The following CTTNBP2 variants were observed in gnomAD, a reference collection of about 807,000 sequenced individuals.
CTTNBP2 encodes the protein cortactin binding protein 2.
A neutral mutation model predicts 156.9 loss-of-function variants in CTTNBP2; 108 were observed. That is an observed-to-expected ratio of 0.69 (90% CI 0.59 to 0.81). The LOEUF is 0.81. Ranked by LOEUF, CTTNBP2 falls within the 30% of genes least tolerant of loss-of-function variation. CTTNBP2 has a pLI of 0.00. For synonymous variants in CTTNBP2, 767 were observed against 751.8 expected (o/e 1.02, Z -0.33); for missense variants, 1,924 against 2,035.4 (o/e 0.95, Z 1.05).
intron 3 of CTTNBP2, among the ~76,000 whole-genome samples, chr7:117,797,113 T>G (rs1166465450): frequency 6.6e-6 from 1 of 152,136 alleles, no homozygotes; most frequent in Non-Finnish European, 1.5e-5. Flanking sequence ...GAAACTCAAG[T>G]ACAATGCACT....
At chr7:117,848,771 T>C (rs1217382879) in intron 2 of CTTNBP2, among the ~76,000 whole-genome samples, 1 of 152,240 alleles carries the variant, frequency 6.6e-6, no homozygotes, top group Non-Finnish European at 1.5e-5. Context: ...ATTAAAAGGT[T>C]TGTAAACTAC....
intron 2 of CTTNBP2, among the ~76,000 whole-genome samples, chr7:117,858,620 T>C (rs1381246015): frequency 6.6e-6 from 1 of 152,216 alleles, no homozygotes; most frequent in African/African-American, 2.4e-5. Context: ...TTTTTGGTTT[T>C]CACAGTGATT....
intron 2 of CTTNBP2, among the ~76,000 whole-genome samples, chr7:117,817,170 T>C (rs1800630271): frequency 6.7e-6 from 1 of 150,174 alleles, no homozygotes; most frequent in Non-Finnish European, 1.5e-5. Flanking sequence ...ACCCCTCTAC[T>C]AAAAACACAA....
intron 12 of CTTNBP2, among the ~76,000 whole-genome samples, chr7:117,747,817 C>A (rs958519509): frequency 1.3e-5 from 2 of 152,056 alleles, no homozygotes; most frequent in Non-Finnish European, 2.9e-5. Context: ...TCTAAGGAGA[C>A]TAAGGAAGGT....
At chr7:117,837,693 C>T (rs367565776) in intron 2 of CTTNBP2, among the ~76,000 whole-genome samples, 7 of 152,198 alleles carry the variant, frequency 4.6e-5, no homozygotes, top group Non-Finnish European at 1.0e-4. Context: ...TTAATAATTT[C>T]GTGCATGAAA....
chr7:117,735,595 T>C (rs188197625), intron 14 of CTTNBP2, among the ~76,000 whole-genome samples, 174 bp from the exon 15 acceptor site: 2 of 152,326 alleles, frequency 1.3e-5, no homozygotes, highest in East Asian at 3.9e-4. Flanking sequence ...TATTATTTGA[T>C]AAGTTTGAAC....
At position 117,861,215 on chromosome 7, in the gene CTTNBP2, G is replaced by A. The variant is rs78070459; in HGVS notation, c.183C>T (p.Ala61=). The A allele has an allele frequency of 5.5e-4, 888 of 1,609,750 alleles. 6 individuals carry two copies. The African/African-American group carries it at 0.01, about 18-fold the overall frequency. Residue 61 remains alanine, a synonymous_variant, in exon 2 of 23, where the codon GCC becomes GCT. Transcript: ENST00000160373. ...ELEARDLVIE[A]LRARRKEVFI... is the part of the protein sequence containing the mutation. The stretch of plus-strand genomic sequence containing the variant: ...ACTCCTGTGTCGTCCTTACCCGCAG[G>A]GCCTCGATGACAAGGTCTCTGGCCT...
chr7:117,788,898 T>A (rs1798844852), intron 4 of CTTNBP2, among the ~76,000 whole-genome samples: 1 of 152,156 alleles, frequency 6.6e-6, no homozygotes, highest in Non-Finnish European at 1.5e-5. Flanking sequence ...CTGAGAGGAA[T>A]AAATAAATAA....
rs114574209 is a variant in CTTNBP2, at chr7:117,716,482, G to A, written c.4746+1536C>T. ...AAATTCTTGGGTCCTAGAGACTGGCGTCCAGTCAAGCACAGCTCAGAGCAA... is the reference window on the plus strand; with the variant it reads ...AAATTCTTGGGTCCTAGAGACTGGCATCCAGTCAAGCACAGCTCAGAGCAA... On this transcript the variant is annotated intron_variant, in intron 22 of 22. Transcript: ENST00000160373. 3.4e-3 allele frequency among the ~76,000 whole-genome samples: 513 copies of A among 152,192 alleles called. 6 individuals are homozygous for A. The highest frequency in any genetic ancestry group is 0.012 in the African/African-American group (480 of 41,526).
chr7:117,729,459 AT>A (rs1167519004), intron 16 of CTTNBP2, among the ~76,000 whole-genome samples: 1 of 152,178 alleles, frequency 6.6e-6, no homozygotes. Flanking sequence ...TTAATGGATA[AT>A]TTTGCATAGA....
chr7:117,728,993 T>A (rs1047349347), intron 16 of CTTNBP2, among the ~76,000 whole-genome samples: 9 of 152,220 alleles, frequency 5.9e-5, no homozygotes, highest in African/African-American at 1.9e-4. Flanking sequence ...TGTGGGCAGC[T>A]GACAGAGGGA....
At chr7:117,735,487 TAA>T in intron 14 of CTTNBP2, 66 bp from the exon 15 acceptor site, 1 of 1,373,802 alleles carries the variant, frequency 7.3e-7, no homozygotes. Context: ...TTGGCAAAAC[TAA>T]AAAAGTCTGA....
chr7:117,857,771 A>G (rs1159503502), intron 2 of CTTNBP2, among the ~76,000 whole-genome samples: 1 of 152,094 alleles, frequency 6.6e-6, no homozygotes, highest in Non-Finnish European at 1.5e-5. Context: ...TTGATTCTTG[A>G]TTTAGGAGTA....
chr7:117,712,559 C>G (rs965932010), intron 22 of CTTNBP2, among the ~76,000 whole-genome samples: 1 of 152,178 alleles, frequency 6.6e-6, no homozygotes. Flanking sequence ...CTCTGAATGC[C>G]TCTGAAGGAG....
intron 17 of CTTNBP2, among the ~76,000 whole-genome samples, chr7:117,725,994 T>C (rs1417865231): frequency 6.6e-6 from 1 of 152,162 alleles, no homozygotes; most frequent in Admixed American, 6.5e-5. Flanking sequence ...CAGCCTGGGA[T>C]GTATAATCAC....
At chr7:117,713,589 T>TGTGA (rs1780618805) in intron 22 of CTTNBP2, among the ~76,000 whole-genome samples, 1 of 152,176 alleles carries the variant, frequency 6.6e-6, no homozygotes, top group South Asian at 2.1e-4. Context: ...GCTGTGTTTG[T>TGTGA]GTGAATAGGA....
At chr7:117,734,889 C>T (rs756730707) in intron 16 of CTTNBP2, 24 bp downstream of exon 16, 1 of 1,549,798 alleles carries the variant, frequency 6.5e-7, no homozygotes, top group South Asian at 1.2e-5. Flanking sequence ...CTCCTGGCAA[C>T]AGGCTGCACT....
At chr7:117,838,005 G>A (rs140815515) in intron 2 of CTTNBP2, among the ~76,000 whole-genome samples, 1 of 152,296 alleles carries the variant, frequency 6.6e-6, no homozygotes, top group Admixed American at 6.5e-5. Context: ...CAGAGACAGA[G>A]ATCTGAGAGT....
At chr7:117,844,225 C>T (rs1215547654) in intron 2 of CTTNBP2, among the ~76,000 whole-genome samples, 1 of 152,196 alleles carries the variant, frequency 6.6e-6, no homozygotes, top group African/African-American at 2.4e-5. Flanking sequence ...AGAAGAAATG[C>T]AGCCTTGATG....
Sources: gnomAD v4.1 joint callset for allele counts (sites outside exome capture counted in the v4.1 genomes callset) on GRCh38, gnomAD v4.1.1 for gene constraint, MANE v1.5 for transcripts, NCBI Gene and HGNC (gene_info 2026-07-23, HGNC 2026-07-21) for gene names.